ADAMTS12: variants seen among roughly 807,000 people sequenced by gnomAD.
ADAMTS12 encodes ADAM metallopeptidase with thrombospondin type 1 motif 12.
Under a neutral mutation model 167.8 loss-of-function variants are expected in ADAMTS12, and 118 were observed. That is an observed-to-expected ratio of 0.70 (90% confidence interval 0.61 to 0.82). ADAMTS12 has a LOEUF of 0.82. ADAMTS12 is among the 40% of genes least tolerant of loss of function. ADAMTS12 has a pLI of 0.00. For synonymous variants in ADAMTS12, 704 were observed against 716.9 expected (o/e 0.98, Z 0.29); for missense variants, 1,916 against 1,998.8 (o/e 0.96, Z 0.79).
chr5:33,705,724 G>C (rs189869763), intron 3 of ADAMTS12, among the ~76,000 whole-genome samples: 1 of 152,014 alleles, frequency 6.6e-6, no homozygotes, highest in Non-Finnish European at 1.5e-5. Flanking sequence ...CAGCAGAATC[G>C]CTTGAACCTG....
intron 3 of ADAMTS12, among the ~76,000 whole-genome samples, chr5:33,737,703 A>G (rs1204086270): frequency 6.6e-6 from 1 of 152,244 alleles, no homozygotes; most frequent in Non-Finnish European, 1.5e-5. Context: ...ATGTACAACT[A>G]GTCTCACTAA....
chr5:33,592,632 T>C (rs1747700827), intron 17 of ADAMTS12, among the ~76,000 whole-genome samples: 2 of 152,176 alleles, frequency 1.3e-5, no homozygotes, highest in African/African-American at 2.4e-5. Flanking sequence ...CTGAAAGCCA[T>C]TGGCAATGTA....
chr5:33,803,362 C>T (rs1370173304), intron 2 of ADAMTS12, among the ~76,000 whole-genome samples: 1 of 152,208 alleles, frequency 6.6e-6, no homozygotes, highest in African/African-American at 2.4e-5. Flanking sequence ...CAATTAAGTA[C>T]ACGCTATACA....
rs551238162 is a variant in ADAMTS12 at position 33,549,533 on chromosome 5, G to A, written c.4126-150C>T. 127 of 906,776 alleles carry A rather than the reference G, an allele frequency of 1.4e-4. No homozygotes were observed. In the African/African-American group the frequency reaches 1.8e-3, roughly 13 times the overall value. 56.2% of individuals were successfully genotyped at this position (906,776 alleles called of 1,614,324 possible). A position where few individuals can be genotyped will look rare whatever the true frequency, so the allele number is the denominator to read the frequency against. On this transcript the variant is annotated intron_variant, in intron 20 of 23. Transcript: ENST00000504830. ...ACCCTGCTTTCCCTCCCACACCACA[G>A]AGCAGGAGGCACCCCAGCAGCTCCC...
chr5:33,682,288 A>C (rs1328088304), intron 5 of ADAMTS12, among the ~76,000 whole-genome samples: 2 of 152,230 alleles, frequency 1.3e-5, no homozygotes, highest in African/African-American at 2.4e-5. Context: ...GAGGTGGCAG[A>C]ACTGAGATTA....
intron 2 of ADAMTS12, among the ~76,000 whole-genome samples, chr5:33,836,331 G>C (rs2591716): frequency 0.48 from 73,374 of 151,872 alleles, 19,860 homozygotes; most frequent in African/African-American, 0.72. Flanking sequence ...CAGGCTGGAC[G>C]AGCCTTCTCC....
intron 3 of ADAMTS12, among the ~76,000 whole-genome samples, chr5:33,745,322 T>G (rs958160533): frequency 2.0e-5 from 3 of 152,308 alleles, no homozygotes; most frequent in South Asian, 2.1e-4. Context: ...TCAAAGCTAC[T>G]TATTCATTGC....
chr5:33,694,011 C>T (rs948604816), intron 3 of ADAMTS12, among the ~76,000 whole-genome samples: 2 of 152,106 alleles, frequency 1.3e-5, no homozygotes, highest in African/African-American at 2.4e-5. Flanking sequence ...ATACCAACAA[C>T]ATCCAAGCTG....
intron 2 of ADAMTS12, among the ~76,000 whole-genome samples, chr5:33,863,998 C>T (rs962598625): frequency 1.3e-5 from 2 of 152,068 alleles, no homozygotes; most frequent in African/African-American, 4.8e-5. Context: ...AACTGGCTAG[C>T]CATATGCAGA....
At chr5:33,618,110 T>C (rs796906319) in intron 14 of ADAMTS12, among the ~76,000 whole-genome samples, 1 of 152,238 alleles carries the variant, frequency 6.6e-6, no homozygotes. Flanking sequence ...ACATATTTTT[T>C]GTGTTATATG....
At chr5:33,772,147 A>G (rs1745761254) in intron 2 of ADAMTS12, among the ~76,000 whole-genome samples, 1 of 151,736 alleles carries the variant, frequency 6.6e-6, no homozygotes, top group South Asian at 2.1e-4. Flanking sequence ...ATGAGCCACC[A>G]CACCCTGCCT....
At chr5:33,619,757 C>T (rs951626485) in intron 14 of ADAMTS12, among the ~76,000 whole-genome samples, 10 of 152,000 alleles carry the variant, frequency 6.6e-5, no homozygotes, top group African/African-American at 9.7e-5. Flanking sequence ...TGCAGTGGTG[C>T]GATCTGGGCT....
At chr5:33,675,081 G>T (rs1349984543) in intron 5 of ADAMTS12, among the ~76,000 whole-genome samples, 1 of 152,148 alleles carries the variant, frequency 6.6e-6, no homozygotes, top group African/African-American at 2.4e-5. Context: ...CTCACCAGAT[G>T]CTGGTGCCAT....
At chr5:33,800,255 C>A (rs912056555) in intron 2 of ADAMTS12, among the ~76,000 whole-genome samples, 1 of 152,130 alleles carries the variant, frequency 6.6e-6, no homozygotes, top group African/African-American at 2.4e-5. Context: ...CGCAGGATTG[C>A]AGAAGGGAAA....
At chr5:33,640,750 T>C (rs1740406106) in intron 11 of ADAMTS12, among the ~76,000 whole-genome samples, 1 of 151,682 alleles carries the variant, frequency 6.6e-6, no homozygotes, top group African/African-American at 2.4e-5. Flanking sequence ...CTTTATTATG[T>C]AGTAGATACT....
At chr5:33,650,188 T>A (rs1197107520) in intron 7 of ADAMTS12, among the ~76,000 whole-genome samples, 1 of 152,244 alleles carries the variant, frequency 6.6e-6, no homozygotes, top group Non-Finnish European at 1.5e-5. Context: ...GTCTTTCTAC[T>A]ATTGCTACAG....
At chr5:33,729,095 T>G (rs541630450) in intron 3 of ADAMTS12, among the ~76,000 whole-genome samples, 4 of 152,264 alleles carry the variant, frequency 2.6e-5, no homozygotes, top group Non-Finnish European at 5.9e-5. Flanking sequence ...GACAGCATAC[T>G]GATATTTTAT....
intron 2 of ADAMTS12, among the ~76,000 whole-genome samples, chr5:33,857,753 C>A (rs1158010835): frequency 6.6e-6 from 1 of 152,164 alleles, no homozygotes; most frequent in Non-Finnish European, 1.5e-5. Context: ...CTGCCAGAGA[C>A]AGAGATAAAC....
chr5:33,741,886 G>A (rs2331304), intron 3 of ADAMTS12, among the ~76,000 whole-genome samples: 78,984 of 151,988 alleles, frequency 0.52, 21,878 homozygotes, highest in Non-Finnish European at 0.62. Context: ...TCAGCCTCCC[G>A]AAGTGCTGGG....
Sources: gnomAD v4.1 joint callset for allele counts (sites outside exome capture counted in the v4.1 genomes callset) on GRCh38, gnomAD v4.1.1 for gene constraint, MANE v1.5 for transcripts, NCBI Gene and HGNC (gene_info 2026-07-23, HGNC 2026-07-21) for gene names.